SORCS3: variants seen among roughly 807,000 people sequenced by gnomAD.
SORCS3 encodes VPS10 domain-containing receptor SorCS3.
A neutral mutation model predicts 146.3 loss-of-function variants in SORCS3; 57 were observed. The ratio of observed to expected loss-of-function variants is 0.39; its 90% CI spans 0.31 to 0.49. The LOEUF (loss-of-function observed/expected upper bound fraction) is 0.49. Ranked by LOEUF, SORCS3 falls within the 20% of genes least tolerant of loss-of-function variation. The pLI, the probability that SORCS3 is intolerant of heterozygous loss-of-function variation, is 0.92. For missense variants in SORCS3, 1,341 were observed against 1,575.5 expected, an observed-to-expected ratio of 0.85 and a Z score of 2.52; for synonymous variants, 653 against 618.5, an observed-to-expected ratio of 1.06 and a Z score of -0.83.
At chr10:105,095,614 G>A (rs1589630427) in intron 6 of SORCS3, among the ~76,000 whole-genome samples, 3 of 152,022 alleles carry the variant, frequency 2.0e-5, no homozygotes, top group Non-Finnish European at 4.4e-5. Context: ...GCTGAAGTGT[G>A]GGCACCAGCA....
At chr10:104,652,086 T>A (rs1479608196) in intron 1 of SORCS3, among the ~76,000 whole-genome samples, 1 of 151,996 alleles carries the variant, frequency 6.6e-6, no homozygotes, top group Non-Finnish European at 1.5e-5. Flanking sequence ...TGTGTGTGTG[T>A]GTGTGTGTTT....
intron 23 of SORCS3, among the ~76,000 whole-genome samples, chr10:105,255,373 A>G (rs2056925192): frequency 6.6e-6 from 1 of 152,044 alleles, no homozygotes; most frequent in African/African-American, 2.4e-5. Context: ...CCTAATGTTA[A>G]ATGACGAGTT....
chr10:104,820,989 C>G (rs1030315283), intron 1 of SORCS3, among the ~76,000 whole-genome samples: 1 of 152,150 alleles, frequency 6.6e-6, no homozygotes, highest in Non-Finnish European at 1.5e-5. Context: ...GATTGATTGA[C>G]TGATTGAACA....
At chr10:104,977,239 G>T in intron 3 of SORCS3, 96 bp from the exon 4 acceptor site, 1 of 953,428 alleles carries the variant, frequency 1.0e-6, no homozygotes, top group Middle Eastern at 3.6e-4. Context: ...ATGTGCTATG[G>T]TGTACAAATA....
intron 13 of SORCS3, among the ~76,000 whole-genome samples, chr10:105,168,714 A>G (rs767540553): frequency 6.6e-6 from 1 of 152,166 alleles, no homozygotes; most frequent in Non-Finnish European, 1.5e-5. Flanking sequence ...GATTCTCTCA[A>G]TTTGACCATT....
chr10:104,808,279 G>A (rs1477876658), intron 1 of SORCS3, among the ~76,000 whole-genome samples: 1 of 152,204 alleles, frequency 6.6e-6, no homozygotes, highest in Admixed American at 6.5e-5. Context: ...TATTTAGCAA[G>A]TACTATATTC....
At chr10:104,842,762 T>A in intron 1 of SORCS3, 30 bp from the exon 2 acceptor site, 1 of 1,583,998 alleles carries the variant, frequency 6.3e-7, no homozygotes, top group Non-Finnish European at 8.7e-7. Flanking sequence ...TTTGTTCCTC[T>A]CCTTTGCCCT....
intron 9 of SORCS3, among the ~76,000 whole-genome samples, chr10:105,154,747 A>G (rs2056194139): frequency 6.6e-6 from 1 of 152,214 alleles, no homozygotes; most frequent in Non-Finnish European, 1.5e-5. Context: ...TTAGAAATAT[A>G]TGTGTACATA....
intron 1 of SORCS3, among the ~76,000 whole-genome samples, chr10:104,719,295 T>C (rs1252029293): frequency 2.0e-5 from 3 of 152,202 alleles, no homozygotes; most frequent in Non-Finnish European, 4.4e-5. Context: ...AAGCATACCC[T>C]GGTTTTGCTT....
chr10:105,082,719 A>G (rs1183131577), intron 5 of SORCS3, among the ~76,000 whole-genome samples: 1 of 152,130 alleles, frequency 6.6e-6, no homozygotes, highest in Non-Finnish European at 1.5e-5. Flanking sequence ...TTCATGATTG[A>G]GTAATTTTTT....
chr10:104,973,639 A>G (rs2133645352), intron 3 of SORCS3, among the ~76,000 whole-genome samples: 1 of 150,190 alleles, frequency 6.7e-6, no homozygotes, highest in East Asian at 1.9e-4. Context: ...ATCCTTTCAA[A>G]AAAACAGCTC....
intron 4 of SORCS3, among the ~76,000 whole-genome samples, chr10:104,978,557 G>T (rs1337819549): frequency 3.9e-5 from 6 of 152,018 alleles, no homozygotes; most frequent in Non-Finnish European, 1.5e-5. Flanking sequence ...AGAAACCTAG[G>T]GAGTATCTTT....
At chr10:104,925,641 T>C (rs774036750) in intron 3 of SORCS3, among the ~76,000 whole-genome samples, 4 of 152,224 alleles carry the variant, frequency 2.6e-5, no homozygotes, top group Non-Finnish European at 5.9e-5. Context: ...TTTTCATTTT[T>C]AAATCTTGAA....
At chr10:104,916,632 A>G (rs536571527) in intron 3 of SORCS3, among the ~76,000 whole-genome samples, 4 of 152,296 alleles carry the variant, frequency 2.6e-5, no homozygotes, top group South Asian at 4.1e-4. Context: ...ATACTGCACC[A>G]TGTATTATCT....
At chr10:104,999,757 C>A (rs1022570492) in intron 4 of SORCS3, among the ~76,000 whole-genome samples, 8 of 152,128 alleles carry the variant, frequency 5.3e-5, no homozygotes, top group Non-Finnish European at 7.4e-5. Context: ...GCTTTATGAT[C>A]CTTTACTCTG....
chr10:105,245,410 A>G, intron 20 of SORCS3, 132 bp from the exon 21 acceptor site: 2 of 1,058,616 alleles, frequency 1.9e-6, no homozygotes, highest in Non-Finnish European at 2.8e-6. Flanking sequence ...CAGTTTTAAG[A>G]AACGGTATAA....
intron 1 of SORCS3, among the ~76,000 whole-genome samples, chr10:104,716,700 C>A (rs1489714407): frequency 6.6e-6 from 1 of 152,164 alleles, no homozygotes; most frequent in Non-Finnish European, 1.5e-5. Flanking sequence ...ATCTTAATTC[C>A]TCCAGGACCT....
chr10:105,080,727 A>T (rs2055618815), intron 5 of SORCS3, among the ~76,000 whole-genome samples: 1 of 152,076 alleles, frequency 6.6e-6, no homozygotes, highest in Admixed American at 6.6e-5. Flanking sequence ...TGTATGATAT[A>T]AGGAAGGGGT....
chr10:104,914,840 G>A (rs1057463029), intron 2 of SORCS3, among the ~76,000 whole-genome samples: 3 of 152,186 alleles, frequency 2.0e-5, no homozygotes, highest in East Asian at 1.9e-4. Context: ...CGGATTTCAG[G>A]CCCCTATAAG....
Sources: gnomAD v4.1 joint callset for allele counts (sites outside exome capture counted in the v4.1 genomes callset) on GRCh38, gnomAD v4.1.1 for gene constraint, MANE v1.5 for transcripts, NCBI Gene and HGNC (gene_info 2026-07-23, HGNC 2026-07-21) for gene names.